Variants in ZAR1 observed in about 807,000 individuals in gnomAD.
ZAR1 encodes the protein zygote arrest protein 1.
In ZAR1, 37 loss-of-function variants were observed where a neutral mutation model predicts 38.3. The observed-to-expected ratio is 0.97, with a 90% CI of 0.74 to 1.27. ZAR1 has a LOEUF of 1.27. Ranked by LOEUF, ZAR1 falls within the 50% of genes most tolerant of loss-of-function variation. ZAR1 has a pLI of 0.00. For synonymous variants in ZAR1, 336 were observed against 292.0 expected, an observed-to-expected ratio of 1.15 and a Z score of -1.53; for missense variants, 651 against 632.4, an observed-to-expected ratio of 1.03 and a Z score of -0.32.
chr4:48,490,798 C>T lies in ZAR1; in HGVS notation c.507C>T (p.Ala169=). Residue 169 remains alanine (A), a synonymous_variant, in exon 1 of 4, where the codon GCC becomes GCT. Coordinates refer to ENST00000327939, the MANE Select transcript of ZAR1 (RefSeq NM_175619.3). ...GLEQGSPQNG[A]PRPMRFPRTV... ...AGCAGGGCAGCCCCCAGAACGGCGC[C>T]CCGCGGCCCATGCGCTTCCCGCGCA... 6.6e-7 allele frequency: 1 copy of T among 1,505,960 alleles called. No homozygotes were observed. The highest frequency in any genetic ancestry group is 1.2e-5 in the South Asian group (1 of 80,642). The allele number at this position is 1,505,960 out of a possible 1,614,324, so 93.3% of individuals were successfully genotyped here.
chr4:48,491,735 C>T (rs958629591), intron 1 of ZAR1, among the ~76,000 whole-genome samples: 5 of 152,248 alleles, frequency 3.3e-5, no homozygotes, highest in Non-Finnish European at 5.9e-5. Flanking sequence ...TTACGAGCTT[C>T]CAGGCTATTG....
At chr4:48,494,811 G>A (rs1174436825), downstream of ZAR1, among the ~76,000 whole-genome samples, 4 of 152,124 alleles carry the variant, frequency 2.6e-5, no homozygotes, top group Non-Finnish European at 4.4e-5. Flanking sequence ...GCTGAGTGGC[G>A]GTGATGGGGT....
intron 3 of ZAR1, 48 bp downstream of exon 3, chr4:48,493,060 GT>G: frequency 4.4e-6 from 7 of 1,577,092 alleles, no homozygotes; most frequent in Non-Finnish European, 5.2e-6. Flanking sequence ...GTCGTCGAGG[GT>G]TTTTAGTATA....
downstream of ZAR1, among the ~76,000 whole-genome samples, chr4:48,495,267 T>G (rs1165928802): frequency 6.6e-6 from 1 of 152,202 alleles, no homozygotes; most frequent in Non-Finnish European, 1.5e-5. Context: ...ATTGGTTTAA[T>G]TACAGAAACC....
chr4:48,491,371 T>C (rs7340880), intron 1 of ZAR1, 117 bp downstream of exon 1: 500,308 of 745,170 alleles, frequency 0.67, 171,045 homozygotes, highest in Middle Eastern at 0.78. Context: ...AAGCGTGGGC[T>C]ACTTCCGTAT....
At chr4:48,494,030 A>G (rs1718516336) in intron 3 of ZAR1, 71 bp from the exon 4 acceptor site, 3 of 1,552,426 alleles carry the variant, frequency 1.9e-6, no homozygotes, top group Non-Finnish European at 2.6e-6. Flanking sequence ...ATGGACTAGA[A>G]AAATGTTGAA....
At chr4:48,494,418 A>G, downstream of ZAR1, 2 of 840,942 alleles carry the variant, frequency 2.4e-6, no homozygotes, top group South Asian at 3.6e-5. Context: ...TCTGTCTTTG[A>G]AAATAAAGTT....
Position 48,490,594 on chromosome 4 carries a change from C to T in ZAR1, c.303C>T (p.Ala101=), listed in dbSNP as rs774772725. The T allele has an allele frequency of 4.1e-5, 57 of 1,379,826 alleles. No homozygotes were observed. In the African/African-American group the frequency reaches 5.8e-4, roughly 14 times the overall value. The allele number at this position is 1,379,826 out of a possible 1,614,324, so 85.5% of individuals were successfully genotyped here. The change falls in exon 1 of 4, where the codon GCC becomes GCT. Residue 101 remains alanine (A), a synonymous_variant. Transcript: ENST00000327939. ...GPGLGPRARR[A]GSCDVAVQVS... ...GTCTCGGGCCGCGCGCCCGCAGGGC[C>T]GGCAGCTGCGACGTGGCGGTGCAGG...
At chr4:48,492,644 A>G (rs1299733488) in intron 1 of ZAR1, 122 bp from the exon 2 acceptor site, 1 of 909,232 alleles carries the variant, frequency 1.1e-6, no homozygotes, top group African/African-American at 1.6e-5. Flanking sequence ...CCCAAACCTG[A>G]CCTGCTTTCT....
At chr4:48,491,288 C>T (rs1718434894) in intron 1 of ZAR1, 34 bp downstream of exon 1, 2 of 1,226,208 alleles carry the variant, frequency 1.6e-6, no homozygotes, top group Non-Finnish European at 2.0e-6. Context: ...ACAGGGGAGC[C>T]CGGGGGTGCG....
Position 48,490,687 on chromosome 4 carries a change from C to A in ZAR1, c.396C>A (p.Arg132=). The change falls in exon 1 of 4, where the codon CGC becomes CGA. Residue 132 remains arginine (R), a synonymous_variant. Coordinates refer to ENST00000327939, the MANE Select transcript of ZAR1 (RefSeq NM_175619.3). ...LGRRTLQRRA[R]DPESPAGPGA... is the part of the protein sequence containing the mutation. Reference sequence around the variant, plus strand: ...GGCGCACGCTGCAGCGCCGGGCCCGCGACCCCGAGTCCCCGGCCGGCCCCG... The same window carrying A: ...GGCGCACGCTGCAGCGCCGGGCCCGAGACCCCGAGTCCCCGGCCGGCCCCG... 1 of 1,314,368 alleles carries A rather than the reference C, an allele frequency of 7.6e-7. No individual in the cohort carries two copies. The highest frequency in any genetic ancestry group is 2.1e-5 in the South Asian group (1 of 47,148). 81.4% of individuals were successfully genotyped at this position (1,314,368 alleles called of 1,614,324 possible).
In ZAR1 at chr4:48,490,991, C is replaced by T; in HGVS notation, c.700C>T (p.Pro234Ser). ...GGGGGAGGTGTGGACGAAGAAGGCG[C>T]CCCGGCGGCCGCAGTCCGACGACGA... The part of the protein sequence containing the change: ...EEGEVWTKKA[P>S]RRPQSDDDGE... The change falls in exon 1 of 4, where the codon CCC (proline) becomes TCC (serine). Residue 234 changes from proline to serine, a missense_variant. Physicochemically the swap from Pro to Ser is moderately conservative, Grantham distance 74. Around this residue, in one of 2 missense-constraint regions of ZAR1, gnomAD observed 522 missense variants for 459.9 expected, o/e 1.14. Coordinates refer to ENST00000327939, the MANE Select transcript of ZAR1 (RefSeq NM_175619.3). The T allele has an allele frequency of 3.7e-6, 5 of 1,356,764 alleles. No homozygotes were observed. In the South Asian group the frequency reaches 7.1e-5, roughly 19 times the overall value. 84.0% of individuals were successfully genotyped at this position (1,356,764 alleles called of 1,614,324 possible).
rs780531605 is a variant in ZAR1, at chr4:48,491,247, G to A, written c.956G>A (p.Arg319His). 240 of 1,228,776 alleles carry A rather than the reference G, an allele frequency of 2.0e-4. No individual in the cohort carries two copies. The highest frequency in any genetic ancestry group is 2.4e-4 in the Non-Finnish European group (235 of 984,964). 76.1% of individuals were successfully genotyped at this position (1,228,776 alleles called of 1,614,324 possible). ...RSPELGKERLRFQFLEQKYGY... is the reference protein window; with the variant it reads ...RSPELGKERLHFQFLEQKYGY... ...CCGGAGCTGGGCAAGGAGCGGCTGCGCTTCCAGGTAAAGCCTAGGGCGGTC... is the reference window on the plus strand; with the variant it reads ...CCGGAGCTGGGCAAGGAGCGGCTGCACTTCCAGGTAAAGCCTAGGGCGGTC... Residue 319 changes from arginine (R) to histidine (H), a missense_variant, in exon 1 of 4, where the codon CGC (arginine) becomes CAC (histidine). Arg to His is a conservative substitution (Grantham distance 29). Around this residue, in one of 2 missense-constraint regions of ZAR1, gnomAD observed 129 missense variants for 172.5 expected, o/e 0.75. Coordinates refer to ENST00000327939, the MANE Select transcript of ZAR1 (RefSeq NM_175619.3).
In ZAR1 at chr4:48,494,093, T is replaced by C. The variant is rs772642336; in HGVS notation, c.1132-8T>C. Reference sequence around the variant, plus strand: ...TTCTGCATGCCCTTCTGTATTTTTTTCCCCCAGAGTTGTAAACAAACGAGA... The same window carrying C: ...TTCTGCATGCCCTTCTGTATTTTTTCCCCCCAGAGTTGTAAACAAACGAGA... On this transcript the variant is annotated splice_region_variant and splice_polypyrimidine_tract_variant and intron_variant, in intron 3 of 3. Transcript: ENST00000327939. 3 of 1,608,944 alleles carry C rather than the reference T, an allele frequency of 1.9e-6. No individual in the cohort carries two copies. The highest frequency in any genetic ancestry group is 2.2e-5 in the South Asian group (2 of 90,908).
Position 48,494,119 on chromosome 4 carries a change from T to C in ZAR1, c.1150T>C (p.Cys384Arg). ...ITCQSCKQTR[C>R]SCPVKLRHVD... Reference sequence around the variant, plus strand: ...CCCCCAGAGTTGTAAACAAACGAGATGTTCCTGCCCAGTAAAACTTCGCCA... The same window carrying C: ...CCCCCAGAGTTGTAAACAAACGAGACGTTCCTGCCCAGTAAAACTTCGCCA... Residue 384 changes from cysteine to arginine, a missense_variant, in exon 4 of 4, where the codon TGT becomes CGT. This residue lies in a region of ZAR1 where 129 missense variants were observed against 172.5 expected (regional missense o/e 0.75). Transcript: ENST00000327939. 1 of 1,613,724 alleles carries C rather than the reference T, an allele frequency of 6.2e-7. No homozygotes were observed. Among genetic ancestry groups the C allele is most frequent in the Non-Finnish European group, 8.5e-7 (1 of 1,179,666 alleles).
chr4:48,491,378 G>A (rs1220998743), intron 1 of ZAR1, 124 bp downstream of exon 1: 11 of 689,634 alleles, frequency 1.6e-5, no homozygotes, highest in Non-Finnish European at 1.8e-5. Flanking sequence ...GGCTACTTCC[G>A]TATTTCCGAG....
chr4:48,495,187 GA>G (rs551142895), downstream of ZAR1, among the ~76,000 whole-genome samples: 3 of 152,298 alleles, frequency 2.0e-5, no homozygotes, highest in South Asian at 6.2e-4. Context: ...CCCACTGCCA[GA>G]ATGTTCCTAG....
chr4:48,495,537 C>T (rs1296412380), downstream of ZAR1, among the ~76,000 whole-genome samples: 2 of 152,204 alleles, frequency 1.3e-5, no homozygotes, highest in Non-Finnish European at 2.9e-5. Context: ...ATAGGCGCCC[C>T]AGCTGTTGCT....
Position 48,494,387 on chromosome 4 carries a change from C to A in ZAR1, c.*143C>A. On this transcript the variant is annotated 3_prime_UTR_variant, in exon 4 of 4. Transcript: ENST00000327939. ...GCCTTCAAATAAAGGTATTGCAACACGATTTATACATTGCATAAAATCTGT... is the reference window on the plus strand; with the variant it reads ...GCCTTCAAATAAAGGTATTGCAACAAGATTTATACATTGCATAAAATCTGT... 9.8e-7 allele frequency: 1 copy of A among 1,022,164 alleles called. No individual in the cohort carries two copies. The highest frequency in any genetic ancestry group is 1.4e-6 in the Non-Finnish European group (1 of 696,838). 63.3% of individuals were successfully genotyped at this position (1,022,164 alleles called of 1,614,324 possible).
Sources: allele counts gnomAD v4.1 joint callset (sites outside exome capture counted in the v4.1 genomes callset), GRCh38; gene constraint gnomAD v4.1.1; regional missense constraint gnomAD v4.1.1; transcripts MANE v1.5; gene names NCBI Gene and HGNC (gene_info 2026-07-23, HGNC 2026-07-21).